The following ZNF804A variants were observed in gnomAD, a reference collection of about 807,000 sequenced individuals.
The protein encoded by ZNF804A is zinc finger protein 804A.
ZNF804A carries 2 observed loss-of-function variants against 16.5 expected under a neutral mutation model. The observed-to-expected ratio is 0.12, with a 90% CI of 0.05 to 0.38. The LOEUF (loss-of-function observed/expected upper bound fraction) is 0.38. ZNF804A is among the 10% of genes least tolerant of loss of function. ZNF804A has a pLI of 0.99. For synonymous variants in ZNF804A, 534 were observed against 489.6 expected (o/e 1.09, Z -1.20); for missense variants, 1,473 against 1,390.7 (o/e 1.06, Z -0.94).
intron 1 of ZNF804A, among the ~76,000 whole-genome samples, chr2:184,660,487 C>A (rs1396771935): frequency 3.3e-5 from 5 of 152,180 alleles, no homozygotes; most frequent in Admixed American, 2.6e-4. Flanking sequence ...ACTTTGCATG[C>A]ACCCCACCAC....
At chr2:184,909,243 A>G (rs1209904271) in intron 2 of ZNF804A, among the ~76,000 whole-genome samples, 3 of 152,214 alleles carry the variant, frequency 2.0e-5, no homozygotes, top group South Asian at 2.1e-4. Flanking sequence ...AGCAAAATTA[A>G]CAGATGAGTT....
intron 1 of ZNF804A, among the ~76,000 whole-genome samples, chr2:184,616,577 T>A (rs1345187664): frequency 6.6e-6 from 1 of 152,148 alleles, no homozygotes; most frequent in Non-Finnish European, 1.5e-5. Context: ...CATGTGTTTA[T>A]CAGACAGAAC....
chr2:184,864,078 G>A (rs964527951), intron 1 of ZNF804A, among the ~76,000 whole-genome samples: 10 of 152,224 alleles, frequency 6.6e-5, no homozygotes, highest in Admixed American at 5.9e-4. Context: ...AATACTTGAG[G>A]CTGGGTAATT....
At chr2:184,619,809 AT>A (rs1691388626) in intron 1 of ZNF804A, among the ~76,000 whole-genome samples, 1 of 151,900 alleles carries the variant, frequency 6.6e-6, no homozygotes, top group South Asian at 2.1e-4. Flanking sequence ...GACTATAAAC[AT>A]ATTTTACAAA....
At chr2:184,610,427 T>C (rs1167544410) in intron 1 of ZNF804A, among the ~76,000 whole-genome samples, 1 of 152,058 alleles carries the variant, frequency 6.6e-6, no homozygotes, top group Non-Finnish European at 1.5e-5. Flanking sequence ...GAAAGCAGGA[T>C]GTTTGAAGTC....
chr2:184,715,076 G>A (rs932086219), intron 1 of ZNF804A, among the ~76,000 whole-genome samples: 2 of 152,128 alleles, frequency 1.3e-5, no homozygotes, highest in African/African-American at 4.8e-5. Flanking sequence ...CACGAGAGTA[G>A]CCTAAGGAAA....
At chr2:184,869,895 T>C (rs1476571009) in intron 2 of ZNF804A, among the ~76,000 whole-genome samples, 1 of 152,016 alleles carries the variant, frequency 6.6e-6, no homozygotes, top group Non-Finnish European at 1.5e-5. Flanking sequence ...AACTTTAAAA[T>C]CTCTCTCACT....
chr2:184,816,278 G>A (rs1463651996), intron 1 of ZNF804A, among the ~76,000 whole-genome samples: 2 of 151,960 alleles, frequency 1.3e-5, no homozygotes, highest in Non-Finnish European at 2.9e-5. Flanking sequence ...ACACCTACTT[G>A]CCTTTTATGA....
intron 1 of ZNF804A, among the ~76,000 whole-genome samples, chr2:184,859,950 G>T (rs766776944): frequency 9.2e-5 from 14 of 152,182 alleles, no homozygotes; most frequent in Non-Finnish European, 1.9e-4. Flanking sequence ...TCAAGGGCTG[G>T]CTACCCACTA....
At position 184,858,166 on chromosome 2, in the gene ZNF804A, A is replaced by C. The variant is rs186495310; in HGVS notation, c.112-8203A>C. On this transcript the variant is annotated intron_variant, in intron 1 of 3. Transcript: ENST00000302277. ...TTGCTTTGTGGTTACTGTAAAACTTAAAATATATATATTTTTTATAGTTGT... is the reference window on the plus strand; with the variant it reads ...TTGCTTTGTGGTTACTGTAAAACTTCAAATATATATATTTTTTATAGTTGT... Among the ~76,000 whole-genome samples, 10 of 152,086 alleles carry C rather than the reference A, an allele frequency of 6.6e-5. No individual in the cohort carries two copies. The East Asian group carries it at 1.9e-3, about 29-fold the overall frequency.
chr2:184,789,729 C>G (rs911829822), intron 1 of ZNF804A, among the ~76,000 whole-genome samples: 3 of 151,796 alleles, frequency 2.0e-5, no homozygotes, highest in Non-Finnish European at 4.4e-5. Context: ...TCTCTTATAA[C>G]AGTGTAGCTA....
At chr2:184,618,537 T>C (rs1267569945) in intron 1 of ZNF804A, among the ~76,000 whole-genome samples, 2 of 152,134 alleles carry the variant, frequency 1.3e-5, no homozygotes, top group Admixed American at 6.6e-5. Context: ...TCCATATCCA[T>C]AGGTTTCACA....
At chr2:184,831,981 A>G (rs1301336891) in intron 1 of ZNF804A, among the ~76,000 whole-genome samples, 1 of 152,036 alleles carries the variant, frequency 6.6e-6, no homozygotes, top group Non-Finnish European at 1.5e-5. Flanking sequence ...CTTACCATAT[A>G]TAGAAAATAA....
At chr2:184,732,286 A>G (rs1005312236) in intron 1 of ZNF804A, among the ~76,000 whole-genome samples, 1 of 151,416 alleles carries the variant, frequency 6.6e-6, no homozygotes, top group South Asian at 2.1e-4. Context: ...CAGTTGTACT[A>G]GCATACTTTG....
chr2:184,716,439 A>G (rs1009786609), intron 1 of ZNF804A, among the ~76,000 whole-genome samples: 2 of 152,146 alleles, frequency 1.3e-5, no homozygotes, highest in Non-Finnish European at 2.9e-5. Flanking sequence ...TATTAAAATC[A>G]GTAAAAATTG....
At position 184,936,115 on chromosome 2, in the gene ZNF804A, C is replaced by A. The variant is rs142747591; in HGVS notation, c.719C>A (p.Ala240Asp). The A allele has an allele frequency of 6.2e-7, 1 of 1,614,034 alleles. No homozygotes were observed. The highest frequency in any genetic ancestry group is 8.5e-7 in the Non-Finnish European group (1 of 1,179,976). The change falls in exon 4 of 4, where the codon GCC (alanine) becomes GAC (aspartate). Residue 240 changes from alanine to aspartate, a missense_variant. Physicochemically the swap from Ala to Asp is moderately radical, Grantham distance 126. Transcript: ENST00000302277. ...GCCTTCTCTGAATACAGTGATGATG[C>A]CTCAGTGGGAAAAGGATTTAGCAGA... ...AAAFSEYSDD[A>D]SVGKGFSRKS...
At chr2:184,729,243 C>T (rs939281297) in intron 1 of ZNF804A, among the ~76,000 whole-genome samples, 2 of 151,744 alleles carry the variant, frequency 1.3e-5, no homozygotes, top group African/African-American at 4.8e-5. Context: ...TTTAGCTATT[C>T]TACAATGCAT....
intron 1 of ZNF804A, among the ~76,000 whole-genome samples, chr2:184,603,660 T>A (rs1691084565): frequency 6.6e-6 from 1 of 152,192 alleles, no homozygotes; most frequent in South Asian, 2.1e-4. Flanking sequence ...TTATTATTTT[T>A]AGGTTAATGT....
intron 1 of ZNF804A, among the ~76,000 whole-genome samples, chr2:184,854,854 C>T (rs1361852657): frequency 2.0e-5 from 3 of 151,906 alleles, no homozygotes; most frequent in Non-Finnish European, 4.4e-5. Flanking sequence ...GATCATGAAA[C>T]AAGCAAAGAT....
Sources: gnomAD v4.1 joint callset for allele counts (sites outside exome capture counted in the v4.1 genomes callset) on GRCh38, gnomAD v4.1.1 for gene constraint, MANE v1.5 for transcripts, NCBI Gene and HGNC (gene_info 2026-07-23, HGNC 2026-07-21) for gene names.